Variants in ESPNL observed in about 807,000 individuals in gnomAD.
The protein encoded by ESPNL is espin-like protein.
Under a neutral mutation model 46.8 loss-of-function variants are expected in ESPNL, and 49 were observed. That is an observed-to-expected ratio of 1.05 (90% CI 0.83 to 1.33). The LOEUF (loss-of-function observed/expected upper bound fraction) is 1.33. Ranked by LOEUF, ESPNL falls within the 40% of genes most tolerant of loss-of-function variation. The pLI, the probability that ESPNL is intolerant of heterozygous loss-of-function variation, is 0.00. For synonymous variants in ESPNL, 664 were observed against 662.1 expected, an observed-to-expected ratio of 1.00 and a Z score of -0.04; for missense variants, 1,540 against 1,436.6, an observed-to-expected ratio of 1.07 and a Z score of -1.16.
Position 238,117,145 on chromosome 2 carries a change from C to G in ESPNL, c.987+111C>G, listed in dbSNP as rs931840920. Reference sequence around the variant, plus strand: ...TAGTCAGCTGGGAAGCTCACCATGTCCAACTCATACATGGCATTGGAGCCA... The same window carrying G: ...TAGTCAGCTGGGAAGCTCACCATGTGCAACTCATACATGGCATTGGAGCCA... On this transcript the variant is annotated intron_variant, in intron 5 of 8. Transcript: ENST00000343063. The G allele has an allele frequency of 2.2e-5, 30 of 1,371,644 alleles. No homozygotes were observed. The South Asian group carries it at 4.2e-4, about 19-fold the overall frequency. 85.0% of individuals were successfully genotyped at this position (1,371,644 alleles called of 1,614,324 possible). A position where few individuals can be genotyped will look rare whatever the true frequency, so the allele number is the denominator to read the frequency against.
intron 5 of ESPNL, among the ~76,000 whole-genome samples, chr2:238,123,707 C>G (rs775832188): frequency 8.5e-5 from 13 of 152,210 alleles, no homozygotes; most frequent in African/African-American, 1.4e-4. Flanking sequence ...GCTGTGCTCC[C>G]TGCACTCTGC....
At chr2:238,129,017 C>CCTCTCCTCTGTGGCCT (rs1692213890) in intron 8 of ESPNL, 113 bp downstream of exon 8, 1 of 1,445,196 alleles carries the variant, frequency 6.9e-7, no homozygotes, top group Non-Finnish European at 9.1e-7. Flanking sequence ...CCCAGGGGCC[C>CCTCTCCTCTGTGGCCT]CTCTCCTCTG....
intron 5 of ESPNL, among the ~76,000 whole-genome samples, chr2:238,120,509 G>A (rs1337975616): frequency 6.6e-6 from 1 of 152,260 alleles, no homozygotes; most frequent in African/African-American, 2.4e-5. Context: ...CAGACCCCGT[G>A]GTAGTGGAGG....
chr2:238,110,924 G>A (rs1400038619), intron 4 of ESPNL, among the ~76,000 whole-genome samples: 1 of 140,116 alleles, frequency 7.1e-6, no homozygotes, highest in African/African-American at 2.6e-5. Flanking sequence ...TAGGTTTTGT[G>A]TTTCAGTATA....
At chr2:238,104,623 G>C (rs1691553841) in intron 2 of ESPNL, 33 bp from the exon 3 acceptor site, 1 of 1,531,018 alleles carries the variant, frequency 6.5e-7, no homozygotes, top group Non-Finnish European at 8.8e-7. Flanking sequence ...CCATAGGCAG[G>C]GACTGGGCCT....
chr2:238,129,249 G>A, intron 8 of ESPNL: 1 of 1,213,720 alleles, frequency 8.2e-7, no homozygotes, highest in Non-Finnish European at 1.0e-6. Flanking sequence ...CAGGTGTGTG[G>A]GGTGCGATTC....
chr2:238,130,981 C>T lies in ESPNL; in HGVS notation c.2267C>T (p.Pro756Leu), dbSNP rs762213289. 278 of 1,548,012 alleles carry T rather than the reference C, an allele frequency of 1.8e-4. No individual in the cohort carries two copies. Among genetic ancestry groups the T allele is most frequent in the South Asian group, 9.9e-4 (83 of 84,152 alleles). ...CACTGGAGGAGATCGGCCTACACGC[C>T]GGCCCTCAAGACAGTGGCCTGCAGG... The part of the protein sequence containing the change: ...LSHWRRSAYT[P>L]ALKTVACRTL... The change falls in exon 9 of 9, where the codon CCG becomes CTG. Residue 756 changes from proline to leucine, a missense_variant. Pro to Leu is a moderately conservative substitution (Grantham distance 98). Transcript: ENST00000343063.
At chr2:238,103,363 A>T (rs980288895) in intron 2 of ESPNL, among the ~76,000 whole-genome samples, 1 of 152,198 alleles carries the variant, frequency 6.6e-6, no homozygotes, top group African/African-American at 2.4e-5. Context: ...TGGGAGGCGG[A>T]GGTTGCAGTA....
rs547385094 is a variant in ESPNL at position 238,114,281 on chromosome 2, C to A, written c.856-2622C>A. On this transcript the variant is annotated intron_variant, in intron 4 of 8. Transcript: ENST00000343063. This position sits in a 1 kb window ranked among gnomAD's most constrained non-coding sequence, Gnocchi z 5.0. ...AGGGCTTTGCCCTCTCTCCCCAGCACCATTTGGGGCCAGGTCTGACACTTG... is the reference window on the plus strand; with the variant it reads ...AGGGCTTTGCCCTCTCTCCCCAGCAACATTTGGGGCCAGGTCTGACACTTG... Among the ~76,000 whole-genome samples the A allele has an allele frequency of 1.3e-5, 2 of 152,106 alleles. No individual in the cohort carries two copies. The highest frequency in any genetic ancestry group is 2.9e-5 in the Non-Finnish European group (2 of 68,008).
intron 4 of ESPNL, among the ~76,000 whole-genome samples, chr2:238,112,540 A>G (rs1183979080): frequency 6.6e-6 from 1 of 152,096 alleles, no homozygotes; most frequent in Non-Finnish European, 1.5e-5. Flanking sequence ...TTCTGCATTT[A>G]TCTTTGTTAT....
At chr2:238,123,153 C>T (rs891140063) in intron 5 of ESPNL, among the ~76,000 whole-genome samples, 2 of 152,204 alleles carry the variant, frequency 1.3e-5, no homozygotes, top group African/African-American at 2.4e-5. Flanking sequence ...CGCCGTTGCT[C>T]AGCAGACAGC....
chr2:238,118,377 T>G (rs950606987), intron 5 of ESPNL, among the ~76,000 whole-genome samples: 75 of 45,594 alleles, frequency 1.6e-3, no homozygotes, highest in African/African-American at 3.5e-3. Context: ...ATGGAGGAGG[T>G]GGATGGAGAA....
At position 238,102,762 on chromosome 2, in the gene ESPNL, A is replaced by G. The variant is rs554196680; in HGVS notation, c.485+631A>G. Among the ~76,000 whole-genome samples the G allele has an allele frequency of 3.6e-4, 55 of 152,286 alleles. 1 individual carries two copies. In the Middle Eastern group the frequency reaches 0.01, roughly 28 times the overall value. On this transcript the variant is annotated intron_variant, in intron 2 of 8. Coordinates refer to ENST00000343063, the MANE Select transcript of ESPNL (RefSeq NM_194312.4). The stretch of plus-strand genomic sequence containing the variant: ...AGTCCTCGCCCTGCTTACAAAGGTC[A>G]CTGTTGTCATAGGAACAGGCCCTCT...
At chr2:238,107,072 C>T (rs1691613834) in intron 3 of ESPNL, among the ~76,000 whole-genome samples, 1 of 152,258 alleles carries the variant, frequency 6.6e-6, no homozygotes, top group African/African-American at 2.4e-5. Context: ...GGAGCCAGCA[C>T]GCCCATCACC....
rs1692204007 is a variant in ESPNL at position 238,128,817 on chromosome 2, C to T, written c.1326C>T (p.Arg442=). 2 of 1,552,070 alleles carry T rather than the reference C, an allele frequency of 1.3e-6. No homozygotes were observed. The highest frequency in any genetic ancestry group is 8.7e-7 in the Non-Finnish European group (1 of 1,148,488). ...IDGLVPTRDE[R]GQPIPEWKRQ... ...GGCTGGTGCCCACGCGGGATGAGCGCGGCCAGCCCATCCCAGAGTGGAAGC... is the reference window on the plus strand; with the variant it reads ...GGCTGGTGCCCACGCGGGATGAGCGTGGCCAGCCCATCCCAGAGTGGAAGC... The change falls in exon 8 of 9, where the codon CGC becomes CGT. Residue 442 remains arginine (R), a synonymous_variant. Coordinates refer to ENST00000343063, the MANE Select transcript of ESPNL (RefSeq NM_194312.4).
At position 238,114,456 on chromosome 2, in the gene ESPNL, T is replaced by C. The variant is rs557793954; in HGVS notation, c.856-2447T>C. 1.3e-3 allele frequency among the ~76,000 whole-genome samples: 199 copies of C among 152,260 alleles called. No individual in the cohort carries two copies. The highest frequency in any genetic ancestry group is 4.4e-3 in the African/African-American group (183 of 41,556). The stretch of plus-strand genomic sequence containing the variant: ...CACCCACCGCGCCCTGGCAAACCTT[T>C]GCCATTCCCCCAGCCCAGAGCCTCC... On this transcript the variant is annotated intron_variant, in intron 4 of 8. Transcript: ENST00000343063. This position sits in a 1 kb window ranked among gnomAD's most constrained non-coding sequence, Gnocchi z 5.0.
rs564297102 is a variant in ESPNL, at chr2:238,129,015, C to T, written c.1413+111C>T. 3,669 of 1,445,320 alleles carry T rather than the reference C, an allele frequency of 2.5e-3. 4 individuals carry two copies. The highest frequency in any genetic ancestry group is 3.8e-3 in the Middle Eastern group (15 of 3,924). The allele number at this position is 1,445,320 out of a possible 1,614,324, so 89.5% of individuals were successfully genotyped here. On this transcript the variant is annotated intron_variant, in intron 8 of 8. Transcript: ENST00000343063. ...CAGAACTGAATCCAAGACCCAGGGGCCCCTCTCCTCTGTGGCCTCAGCTGC... is the reference window on the plus strand; with the variant it reads ...CAGAACTGAATCCAAGACCCAGGGGTCCCTCTCCTCTGTGGCCTCAGCTGC...
At chr2:238,124,586 T>C (rs1423419018) in intron 5 of ESPNL, among the ~76,000 whole-genome samples, 2 of 151,502 alleles carry the variant, frequency 1.3e-5, no homozygotes, top group Non-Finnish European at 1.5e-5. Context: ...TGTGTGTGTG[T>C]GCAGGAGAGT....
Position 238,131,186 on chromosome 2 carries a change from G to C in ESPNL, c.2472G>C (p.Arg824=). 5 of 1,544,540 alleles carry C rather than the reference G, an allele frequency of 3.2e-6. No homozygotes were observed. In the African/African-American group the frequency reaches 5.5e-5, roughly 17 times the overall value. ...CTCACGTGCCCGCCCGGCAGCTGCGGCGGCTGAGCCGGCAGCCCCGCGGGG... is the reference window on the plus strand; with the variant it reads ...CTCACGTGCCCGCCCGGCAGCTGCGCCGGCTGAGCCGGCAGCCCCGCGGGG... ...IMAHVPARQL[R]RLSRQPRGAL... The change falls in exon 9 of 9, where the codon CGG becomes CGC. Residue 824 remains arginine, a synonymous_variant. Coordinates refer to ENST00000343063, the MANE Select transcript of ESPNL (RefSeq NM_194312.4).
Sources: gnomAD v4.1 joint callset for allele counts (sites outside exome capture counted in the v4.1 genomes callset) on GRCh38, gnomAD v4.1.1 for gene constraint, Gnocchi (gnomAD v3.1) non-coding constraint, MANE v1.5 for transcripts, NCBI Gene and HGNC (gene_info 2026-07-23, HGNC 2026-07-21) for gene names.